The following TFEC variants were observed in gnomAD, a reference collection of about 807,000 sequenced individuals.
TFEC encodes class E basic helix-loop-helix protein 34.
A neutral mutation model predicts 41.6 loss-of-function variants in TFEC; 31 were observed. The ratio of observed to expected loss-of-function variants is 0.74; its 90% CI spans 0.56 to 1.01. The LOEUF (loss-of-function observed/expected upper bound fraction) is 1.01, where lower values mean the gene tolerates loss of function less well. Among genes scored for constraint, TFEC ranks in the 50% least tolerant of loss-of-function variants. The probability of loss-of-function intolerance (pLI) is 0.00; values close to 1 mark genes in which losing one functional copy is unlikely to be tolerated. For missense variants in TFEC, 402 were observed against 404.1 expected, an observed-to-expected ratio of 0.99 and a Z score of 0.04; for synonymous variants, 143 against 140.6, an observed-to-expected ratio of 1.02 and a Z score of -0.12.
chr7:116,096,887 C>T (rs956146339), intron 3 of TFEC, among the ~76,000 whole-genome samples: 22 of 151,948 alleles, frequency 1.4e-4, no homozygotes, highest in African/African-American at 4.1e-4. Context: ...GTCAGGAAAT[C>T]GAGAACATCC....
chr7:116,006,676 G>C (rs1374402425), intron 1 of TFEC, among the ~76,000 whole-genome samples: 1 of 152,140 alleles, frequency 6.6e-6, no homozygotes, highest in Non-Finnish European at 1.5e-5. Context: ...TAAGACTTTG[G>C]GGGACTGTTG....
At chr7:115,948,959 C>G (rs1791771914) in intron 6 of TFEC, among the ~76,000 whole-genome samples, 1 of 151,696 alleles carries the variant, frequency 6.6e-6, no homozygotes, top group Non-Finnish European at 1.5e-5. Context: ...CCCATTGTCT[C>G]AGCCCAAAAT....
rs555644054 is a variant in TFEC at position 116,020,795 on chromosome 7, A to G, written c.-73+9838T>C. Among the ~76,000 whole-genome samples, 4 of 152,264 alleles carry G rather than the reference A, an allele frequency of 2.6e-5. No homozygotes were observed. The South Asian group carries it at 8.3e-4, about 32-fold the overall frequency. The stretch of plus-strand genomic sequence containing the variant: ...ATTTTTTTTTTTAAGTACAGGAGAT[A>G]GCATCTAAGTCCTGAACATTTAGAA... On this transcript the variant is annotated intron_variant, in intron 1 of 7. Transcript: ENST00000265440.
intron 1 of TFEC, among the ~76,000 whole-genome samples, chr7:116,022,187 C>T (rs1795422407): frequency 6.6e-6 from 1 of 152,170 alleles, no homozygotes; most frequent in African/African-American, 2.4e-5. Context: ...TAAAAAGACA[C>T]TTAGAACTCA....
At chr7:115,970,220 C>A (rs546852793) in intron 3 of TFEC, among the ~76,000 whole-genome samples, 55 of 151,898 alleles carry the variant, frequency 3.6e-4, no homozygotes, top group Non-Finnish European at 7.1e-4. Flanking sequence ...CCACAGAACC[C>A]CAGATAGCTC....
chr7:116,030,555 A>T (rs1409779061), intron 1 of TFEC, 78 bp downstream of exon 1: 1 of 888,696 alleles, frequency 1.1e-6, no homozygotes, highest in African/African-American at 1.8e-5. Context: ...ACATATCAAA[A>T]TAAAACAAGT....
At chr7:116,105,341 A>G (rs1050490544) in intron 3 of TFEC, among the ~76,000 whole-genome samples, 3 of 152,198 alleles carry the variant, frequency 2.0e-5, no homozygotes, top group African/African-American at 7.2e-5. Flanking sequence ...AGTAAATGTT[A>G]ATAACCTACA....
chr7:115,991,123 C>A (rs1794090320), intron 1 of TFEC, among the ~76,000 whole-genome samples: 1 of 152,100 alleles, frequency 6.6e-6, no homozygotes, highest in African/African-American at 2.4e-5. Context: ...TCATATCCAG[C>A]CAAACTAAGC....
chr7:115,966,509 C>CA (rs1792859402), intron 3 of TFEC, among the ~76,000 whole-genome samples: 1 of 151,588 alleles, frequency 6.6e-6, no homozygotes, highest in African/African-American at 2.4e-5. Context: ...GTAATCTTTA[C>CA]AACAACTCTA....
intron 3 of TFEC, among the ~76,000 whole-genome samples, chr7:116,098,946 T>C (rs1323165773): frequency 6.6e-6 from 1 of 151,290 alleles, no homozygotes; most frequent in Non-Finnish European, 1.5e-5. Context: ...CAGATCAATA[T>C]CTTTCATAGA....
intron 1 of TFEC, among the ~76,000 whole-genome samples, chr7:115,985,189 C>CT (rs1410155945): frequency 6.6e-6 from 1 of 152,054 alleles, no homozygotes; most frequent in Non-Finnish European, 1.5e-5. Context: ...AGAAAAAAAT[C>CT]TAACGATTGT....
In TFEC at chr7:115,949,389, C is replaced by T. The variant is rs527536238; in HGVS notation, c.515+1485G>A. ...GGAACCAAAAAAGAGCCTACATCGC[C>T]AAGTCAATCCTAAGCCAAAAGAACA... is the stretch of plus-strand genomic sequence containing the variant. On this transcript the variant is annotated intron_variant, in intron 6 of 7. Transcript: ENST00000265440. Among the ~76,000 whole-genome samples, 14 of 152,222 alleles carry T rather than the reference C, an allele frequency of 9.2e-5. No homozygotes were observed. In the East Asian group the frequency reaches 2.5e-3, roughly 27 times the overall value.
chr7:116,020,306 G>T (rs750622305), intron 1 of TFEC, among the ~76,000 whole-genome samples: 35 of 152,084 alleles, frequency 2.3e-4, no homozygotes, highest in Non-Finnish European at 4.6e-4. Flanking sequence ...CAATCCAATA[G>T]GCTCTGTGAG....
chr7:116,010,661 A>G (rs918419044), intron 1 of TFEC, among the ~76,000 whole-genome samples: 1 of 152,180 alleles, frequency 6.6e-6, no homozygotes, highest in Non-Finnish European at 1.5e-5. Flanking sequence ...GGAAGAACCT[A>G]CTTAGAAGAC....
At chr7:115,974,108 T>G (rs1490508736) in intron 3 of TFEC, 62 bp downstream of exon 3, 20 of 1,360,926 alleles carry the variant, frequency 1.5e-5, no homozygotes, top group Non-Finnish European at 2.0e-5. Flanking sequence ...AATCAAATAT[T>G]TTTATTATCA....
chr7:115,936,863 A>C lies in TFEC; in HGVS notation c.*3688T>G, dbSNP rs1293467002. 3 of 151,716 alleles carry C rather than the reference A, an allele frequency of 2.0e-5. No individual in the cohort carries two copies. Among genetic ancestry groups the C allele is most frequent in the African/African-American group, 7.2e-5 (3 of 41,492 alleles). The allele number at this position is 151,716 out of a possible 1,614,324, so 9.4% of individuals were successfully genotyped here. A position where few individuals can be genotyped will look rare whatever the true frequency, so the allele number is the denominator to read the frequency against. Reference sequence around the variant, plus strand: ...GGCTATTTCTCAATGTCCCCAGCTCATCTGGCTATTTATTATTTAGGGCTT... The same window carrying C: ...GGCTATTTCTCAATGTCCCCAGCTCCTCTGGCTATTTATTATTTAGGGCTT... On this transcript the variant is annotated 3_prime_UTR_variant, in exon 8 of 8. Coordinates refer to ENST00000265440, the MANE Select transcript of TFEC (RefSeq NM_012252.4).
chr7:115,968,081 C>T (rs2130551475), intron 3 of TFEC: 1 of 1,200,020 alleles, frequency 8.3e-7, no homozygotes, highest in South Asian at 1.9e-5. Context: ...GCTCAATGTT[C>T]ACATACCTTA....
rs1207706948 is a variant in TFEC at position 115,984,302 on chromosome 7, A to G, written c.140T>C (p.Leu47Ser). 6.2e-6 allele frequency: 10 copies of G among 1,614,004 alleles called. No individual in the cohort carries two copies. The highest frequency in any genetic ancestry group is 8.5e-6 in the Non-Finnish European group (10 of 1,179,958). Residue 47 changes from leucine to serine, a missense_variant, in exon 2 of 8, where the codon TTA becomes TCA. By Grantham distance (145) the Leu-to-Ser change is moderately radical (BLOSUM62 -2). Transcript: ENST00000265440. Reference protein sequence around the residue: ...AGLTENPLTKLLAIGKEDDNA... With the variant: ...AGLTENPLTKSLAIGKEDDNA... ...GTCATCTTCTTTCCCAATAGCTAGTAACTTGGTGAGTGGGTTTTCTGTGAG... is the reference window on the plus strand; with the variant it reads ...GTCATCTTCTTTCCCAATAGCTAGTGACTTGGTGAGTGGGTTTTCTGTGAG...
intron 1 of TFEC, among the ~76,000 whole-genome samples, chr7:116,126,811 C>A (rs1439239389): frequency 6.6e-6 from 1 of 152,022 alleles, no homozygotes; most frequent in Non-Finnish European, 1.5e-5. Context: ...AAAACTATTT[C>A]AACAAAAAGA....
Sources: gnomAD v4.1 joint callset for allele counts (sites outside exome capture counted in the v4.1 genomes callset) on GRCh38, gnomAD v4.1.1 for gene constraint, MANE v1.5 for transcripts, NCBI Gene and HGNC (gene_info 2026-07-23, HGNC 2026-07-21) for gene names.